AIG1: variants seen among roughly 807,000 people sequenced by gnomAD.
AIG1 encodes androgen-induced gene 1 protein.
AIG1 carries 23 observed loss-of-function variants against 31.4 expected under a neutral mutation model. The ratio of observed to expected loss-of-function variants is 0.73; its 90% CI spans 0.53 to 1.04. The LOEUF (loss-of-function observed/expected upper bound fraction) is 1.04, where lower values mean the gene tolerates loss of function less well. Among genes scored for constraint, AIG1 ranks in the 50% least tolerant of loss-of-function variants. The pLI is 0.00. For synonymous variants in AIG1, 100 were observed against 110.5 expected (o/e 0.90, Z 0.60); for missense variants, 274 against 295.0 (o/e 0.93, Z 0.52).
rs994393642 is a variant in AIG1, at chr6:143,280,899, T to C, written c.400-3211T>C. On this transcript the variant is annotated intron_variant, in intron 3 of 5. Transcript: ENST00000357847. The surrounding 1 kb of genome is among the most constrained non-coding windows in gnomAD (Gnocchi z 4.1). Reference sequence around the variant, plus strand: ...AAAAGTTAAAAAAAAGTTCTGACTTTATGCTAGCTAATGTTATTGTTTATT... The same window carrying C: ...AAAAGTTAAAAAAAAGTTCTGACTTCATGCTAGCTAATGTTATTGTTTATT... Among the ~76,000 whole-genome samples the C allele has an allele frequency of 6.6e-6, 1 of 152,212 alleles. No homozygotes were observed.
At chr6:143,141,542 A>G (rs1438484392) in intron 2 of AIG1, among the ~76,000 whole-genome samples, 1 of 152,202 alleles carries the variant, frequency 6.6e-6, no homozygotes, top group African/African-American at 2.4e-5. Flanking sequence ...TTGGATGAAC[A>G]TGGCATGTAT....
intron 4 of AIG1, among the ~76,000 whole-genome samples, chr6:143,319,118 C>G (rs1304870342): frequency 6.6e-6 from 1 of 152,152 alleles, no homozygotes; most frequent in Non-Finnish European, 1.5e-5. Flanking sequence ...AGCAGTCCCA[C>G]TACTGGGTAT....
intron 3 of AIG1, among the ~76,000 whole-genome samples, chr6:143,178,546 T>C (rs901164435): frequency 2.2e-4 from 33 of 152,202 alleles, no homozygotes; most frequent in African/African-American, 6.0e-4. Flanking sequence ...TCACCTTACC[T>C]TTTTCCTGTG....
chr6:143,187,535 G>A, intron 3 of AIG1: 1 of 1,535,848 alleles, frequency 6.5e-7, no homozygotes, highest in Non-Finnish European at 8.7e-7. Flanking sequence ...TTTTCACACT[G>A]GGTAGGCCTG....
At chr6:143,162,967 A>C (rs9373376) in intron 2 of AIG1, among the ~76,000 whole-genome samples, 2 of 152,284 alleles carry the variant, frequency 1.3e-5, no homozygotes, top group African/African-American at 4.8e-5. Context: ...GAGGAGGCTC[A>C]AGGTGGCTGA....
rs539947189 is a variant in AIG1 at position 143,292,048 on chromosome 6, G to A, written c.515+7823G>A. Among the ~76,000 whole-genome samples the A allele has an allele frequency of 7.9e-5, 12 of 152,310 alleles. No individual in the cohort carries two copies. The highest frequency in any genetic ancestry group is 2.1e-4 in the South Asian group (1 of 4,820). ...CCTGGACCCTGGTGGTAGAAATGGC[G>A]TTAATAGGATTCTGGATATATTTTG... is the stretch of plus-strand genomic sequence containing the variant. On this transcript the variant is annotated intron_variant, in intron 4 of 5. Transcript: ENST00000357847. The surrounding 1 kb of genome is among the most constrained non-coding windows in gnomAD (Gnocchi z 4.9).
intron 4 of AIG1, among the ~76,000 whole-genome samples, chr6:143,305,102 C>T (rs1486068044): frequency 6.6e-5 from 10 of 152,050 alleles, no homozygotes; most frequent in South Asian, 2.1e-4. Flanking sequence ...TTGTGTCTAT[C>T]GGATTCTTCT....
At chr6:143,189,759 A>T in intron 3 of AIG1, 1 of 985,072 alleles carries the variant, frequency 1.0e-6, no homozygotes, top group East Asian at 1.1e-4. Flanking sequence ...TCTTATATTA[A>T]TATGAGTCAT....
chr6:143,198,737 A>G (rs1452520715), intron 3 of AIG1, among the ~76,000 whole-genome samples: 2 of 152,136 alleles, frequency 1.3e-5, no homozygotes, highest in African/African-American at 4.8e-5. Context: ...AGGGGATGAG[A>G]GGGAAGGGCA....
chr6:143,177,160 G>A (rs551742652), intron 3 of AIG1, among the ~76,000 whole-genome samples: 1 of 152,180 alleles, frequency 6.6e-6, no homozygotes, highest in East Asian at 1.9e-4. Flanking sequence ...TCTTTTTAAT[G>A]ATATCTATTT....
In AIG1 at chr6:143,284,546, G is replaced by A. The variant is rs1797564479; in HGVS notation, c.515+321G>A. 6.6e-6 allele frequency among the ~76,000 whole-genome samples: 1 copy of A among 152,040 alleles called. No individual in the cohort carries two copies. Among genetic ancestry groups the A allele is most frequent in the African/African-American group, 2.4e-5 (1 of 41,386 alleles). ...TAAGGGCTTTTTTGCTTGGGATTTT[G>A]TTGTTGTTGCTTTTGTTGGGGGGCA... On this transcript the variant is annotated intron_variant, in intron 4 of 5. Transcript: ENST00000357847. This position sits in a 1 kb window ranked among gnomAD's most constrained non-coding sequence, Gnocchi z 4.4.
At chr6:143,336,175 T>C (rs901719852) in intron 5 of AIG1, among the ~76,000 whole-genome samples, 1 of 152,158 alleles carries the variant, frequency 6.6e-6, no homozygotes, top group African/African-American at 2.4e-5. Flanking sequence ...TCAGTTACTA[T>C]ACAATCCCCC....
chr6:143,228,538 A>G (rs1369128645), intron 3 of AIG1, among the ~76,000 whole-genome samples: 1 of 152,216 alleles, frequency 6.6e-6, no homozygotes. Flanking sequence ...GGCAGGCAAC[A>G]GCATCAAACA....
chr6:143,342,771 C>G (rs1006824981), downstream of AIG1: 7 of 813,410 alleles, frequency 8.6e-6, no homozygotes, highest in Non-Finnish European at 1.6e-5. Flanking sequence ...TAGCTGCAAA[C>G]GTCCTTGTAT....
chr6:143,191,243 A>G (rs1266291927), intron 3 of AIG1, among the ~76,000 whole-genome samples: 2 of 152,178 alleles, frequency 1.3e-5, no homozygotes, highest in African/African-American at 2.4e-5. Flanking sequence ...TTCTATTGCA[A>G]TAAAATACTG....
intron 3 of AIG1, among the ~76,000 whole-genome samples, chr6:143,205,167 A>G (rs1791015621): frequency 6.6e-6 from 1 of 152,206 alleles, no homozygotes; most frequent in African/African-American, 2.4e-5. Context: ...AAATATGTCC[A>G]TCTATGTGCC....
intron 3 of AIG1, among the ~76,000 whole-genome samples, chr6:143,186,989 A>C (rs1334490053): frequency 6.6e-6 from 1 of 152,240 alleles, no homozygotes; most frequent in Non-Finnish European, 1.5e-5. Context: ...AAACAAAGTT[A>C]ATTTAAACAA....
upstream of AIG1, among the ~76,000 whole-genome samples, chr6:143,059,984 C>A (rs1776100247): frequency 6.6e-6 from 1 of 152,146 alleles, no homozygotes; most frequent in Non-Finnish European, 1.5e-5. Context: ...AAAGTAAGGG[C>A]AAAACCAGTT....
Position 143,061,182 on chromosome 6 carries a change from A to G in AIG1, c.141+116A>G, listed in dbSNP as rs1359246248. 3.9e-6 allele frequency: 5 copies of G among 1,289,308 alleles called. No individual in the cohort carries two copies. In the East Asian group the frequency reaches 7.2e-5, roughly 19 times the overall value. 79.9% of individuals were successfully genotyped at this position (1,289,308 alleles called of 1,614,324 possible). A position where few individuals can be genotyped will look rare whatever the true frequency, so the allele number is the denominator to read the frequency against. On this transcript the variant is annotated intron_variant, in intron 1 of 5. Coordinates refer to ENST00000357847, the MANE Select transcript of AIG1 (RefSeq NM_016108.4). ...AGCACCTGCGCACGTGCGCGCCTCC[A>G]GCATCCACCCGTGTCCTCGCCTCTT...
Sources: gnomAD v4.1 joint callset for allele counts (sites outside exome capture counted in the v4.1 genomes callset) on GRCh38, gnomAD v4.1.1 for gene constraint, Gnocchi (gnomAD v3.1) non-coding constraint, MANE v1.5 for transcripts, NCBI Gene and HGNC (gene_info 2026-07-23, HGNC 2026-07-21) for gene names.